Variants in XKR6 observed in about 807,000 individuals in gnomAD.
The protein encoded by XKR6 is XK-related protein 6.
A neutral mutation model predicts 56.7 loss-of-function variants in XKR6; 22 were observed. The observed-to-expected ratio is 0.39, with a 90% CI of 0.28 to 0.55. The LOEUF is 0.55. XKR6 is among the 20% of genes least tolerant of loss of function. The pLI, the probability that XKR6 is intolerant of heterozygous loss-of-function variation, is 0.66. For synonymous variants in XKR6, 524 were observed against 387.8 expected (o/e 1.35, Z -4.13); for missense variants, 852 against 889.0 (o/e 0.96, Z 0.53).
chr8:10,964,389 C>T (rs991138947), intron 1 of XKR6, among the ~76,000 whole-genome samples: 1 of 152,138 alleles, frequency 6.6e-6, no homozygotes, highest in Non-Finnish European at 1.5e-5. Flanking sequence ...TGGGCTGGAG[C>T]TTAGACCTGG....
At chr8:11,131,139 G>A in intron 1 of XKR6, among the ~76,000 whole-genome samples, 1 of 152,062 alleles carries the variant, frequency 6.6e-6, no homozygotes, top group Non-Finnish European at 1.5e-5. Context: ...CTAAATACTT[G>A]GCACTGTATT....
At chr8:11,123,897 C>A (rs745907910) in intron 1 of XKR6, 6 of 455,862 alleles carry the variant, frequency 1.3e-5, no homozygotes, top group South Asian at 9.3e-5. Context: ...CTGGGACTGC[C>A]CTTCCCTCCC....
At chr8:11,044,388 G>A (rs1176060135) in intron 1 of XKR6, among the ~76,000 whole-genome samples, 2 of 152,108 alleles carry the variant, frequency 1.3e-5, no homozygotes, top group African/African-American at 4.8e-5. Flanking sequence ...CAGCAAAAAA[G>A]TCCTTGCTTT....
intron 1 of XKR6, among the ~76,000 whole-genome samples, chr8:11,012,624 A>C (rs1358045758): frequency 5.4e-5 from 7 of 129,994 alleles, no homozygotes; most frequent in Admixed American, 7.8e-5. Flanking sequence ...TGCCCCCCTC[A>C]CCTCCCCCTA....
chr8:11,107,231 A>C lies in XKR6; in HGVS notation c.764+93345T>G, dbSNP rs143684674. Among the ~76,000 whole-genome samples, 3 of 150,542 alleles carry C rather than the reference A, an allele frequency of 2.0e-5. No individual in the cohort carries two copies. In the East Asian group the frequency reaches 5.8e-4, roughly 29 times the overall value. On this transcript the variant is annotated intron_variant, in intron 1 of 2. Coordinates refer to ENST00000416569, the MANE Select transcript of XKR6 (RefSeq NM_173683.4). Reference sequence around the variant, plus strand: ...TTTTTTAAATAAGAGATGGGGTCTCACTCCATCGCCTGGGATGAAGTGCAG... The same window carrying C: ...TTTTTTAAATAAGAGATGGGGTCTCCCTCCATCGCCTGGGATGAAGTGCAG...
intron 1 of XKR6, among the ~76,000 whole-genome samples, chr8:11,091,418 C>A (rs1239238085): frequency 6.7e-6 from 1 of 148,626 alleles, no homozygotes; most frequent in Non-Finnish European, 1.5e-5. Context: ...GTCTGGGCAA[C>A]AGAATGAGAC....
At position 10,907,095 on chromosome 8, in the gene XKR6, G is replaced by A. The variant is rs190797500; in HGVS notation, c.962-8179C>T. On this transcript the variant is annotated intron_variant, in intron 2 of 2. Coordinates refer to ENST00000416569, the MANE Select transcript of XKR6 (RefSeq NM_173683.4). ...AGAAGAAGGGTCAAAGAGAAGAGAC[G>A]GCAATCACATTTGTGGCCCTAGCCC... is the stretch of plus-strand genomic sequence containing the variant. 2.5e-3 allele frequency among the ~76,000 whole-genome samples: 388 copies of A among 152,196 alleles called. 17 individuals carry two copies. Among genetic ancestry groups the A allele is most frequent in the Admixed American group, 0.022 (342 of 15,274 alleles).
intron 1 of XKR6, among the ~76,000 whole-genome samples, chr8:11,033,123 G>C (rs1008202251): frequency 1.3e-5 from 2 of 150,126 alleles, no homozygotes; most frequent in African/African-American, 5.1e-5. Flanking sequence ...AGATTATCAC[G>C]ATGGTAATGA....
chr8:11,112,294 T>G (rs1798937608), intron 1 of XKR6, among the ~76,000 whole-genome samples: 1 of 152,232 alleles, frequency 6.6e-6, no homozygotes, highest in Non-Finnish European at 1.5e-5. Context: ...AAACTATTTT[T>G]TTAGTCGAGT....
chr8:11,052,773 A>T (rs1471513199), intron 1 of XKR6, among the ~76,000 whole-genome samples: 1 of 138,452 alleles, frequency 7.2e-6, no homozygotes, highest in East Asian at 2.2e-4. Context: ...CCAGAGCAGC[A>T]CACTCCGGGA....
intron 1 of XKR6, among the ~76,000 whole-genome samples, chr8:10,949,205 C>T (rs1453538728): frequency 6.6e-6 from 1 of 152,256 alleles, no homozygotes; most frequent in East Asian, 1.9e-4. Context: ...CTCCCGCTTC[C>T]AGCCTCTCCC....
chr8:11,160,025 G>C (rs1401408013), intron 1 of XKR6, among the ~76,000 whole-genome samples: 1 of 152,096 alleles, frequency 6.6e-6, no homozygotes, highest in African/African-American at 2.4e-5. Context: ...TGATATGTGA[G>C]ATATTATCAC....
chr8:10,985,355 T>C (rs1272730538), intron 1 of XKR6, among the ~76,000 whole-genome samples: 1 of 152,146 alleles, frequency 6.6e-6, no homozygotes, highest in African/African-American at 2.4e-5. Context: ...GGCCACCATG[T>C]AAGACACCCC....
chr8:11,157,795 G>T (rs1485561451), intron 1 of XKR6, among the ~76,000 whole-genome samples: 1 of 152,146 alleles, frequency 6.6e-6, no homozygotes, highest in South Asian at 2.1e-4. Flanking sequence ...GATTACAGGC[G>T]TGAGCCACCA....
At chr8:11,059,651 G>T (rs966228889) in intron 1 of XKR6, among the ~76,000 whole-genome samples, 9 of 150,788 alleles carry the variant, frequency 6.0e-5, no homozygotes, top group African/African-American at 1.9e-4. Flanking sequence ...CGGGACAGGT[G>T]CGGGGGGCGC....
At chr8:11,016,723 G>T (rs771244504) in intron 1 of XKR6, among the ~76,000 whole-genome samples, 1 of 152,168 alleles carries the variant, frequency 6.6e-6, no homozygotes, top group African/African-American at 2.4e-5. Context: ...ACTGGGGAGC[G>T]TCCTGGCCTG....
intron 1 of XKR6, among the ~76,000 whole-genome samples, chr8:11,080,205 A>C (rs992782313): frequency 1.3e-5 from 2 of 151,890 alleles, no homozygotes; most frequent in African/African-American, 2.4e-5. Flanking sequence ...CCTTTGCCTT[A>C]AGAGAAAACC....
chr8:11,060,572 C>T (rs1394967897), intron 1 of XKR6, among the ~76,000 whole-genome samples: 5 of 152,188 alleles, frequency 3.3e-5, no homozygotes, highest in Non-Finnish European at 7.3e-5. Flanking sequence ...TTTTCTCCTG[C>T]ATACAAGGGA....
chr8:10,966,689 A>C (rs984313506), intron 1 of XKR6, among the ~76,000 whole-genome samples: 2 of 152,040 alleles, frequency 1.3e-5, no homozygotes, highest in Non-Finnish European at 2.9e-5. Flanking sequence ...TAAATAAATA[A>C]ATACATAAAT....
Sources: allele counts gnomAD v4.1 joint callset (sites outside exome capture counted in the v4.1 genomes callset), GRCh38; gene constraint gnomAD v4.1.1; transcripts MANE v1.5; gene names NCBI Gene and HGNC (gene_info 2026-07-23, HGNC 2026-07-21).